Variants in SAXO1 observed in about 807,000 individuals in gnomAD.
The protein encoded by SAXO1 is stabilizer of axonemal microtubules 1.
Under a neutral mutation model 17.5 loss-of-function variants are expected in SAXO1, and 21 were observed. The ratio of observed to expected loss-of-function variants is 1.20; its 90% confidence interval spans 0.85 to 1.72. The LOEUF (loss-of-function observed/expected upper bound fraction) is 1.72. SAXO1 is among the 40% of genes most tolerant of loss of function. The pLI is 0.00. For missense variants in SAXO1, 843 were observed against 596.0 expected, an observed-to-expected ratio of 1.41 and a Z score of -4.32; for synonymous variants, 274 against 216.5, an observed-to-expected ratio of 1.27 and a Z score of -2.33.
intron 3 of SAXO1, among the ~76,000 whole-genome samples, chr9:18,936,074 T>G (rs62550780): frequency 0.014 from 2,189 of 152,270 alleles, 45 homozygotes; most frequent in African/African-American, 0.045. Flanking sequence ...AATGGTTGAT[T>G]TTCACTGTTT....
rs1480929577 is a variant in SAXO1, at chr9:18,934,764, A to T, written c.422-5709T>A. On this transcript the variant is annotated intron_variant, in intron 3 of 3. Coordinates refer to ENST00000380534, the MANE Select transcript of SAXO1 (RefSeq NM_153707.4). Reference sequence around the variant, plus strand: ...TTTTTTGTGTAAAACACAACACTTTAGATAATATGCTGCAGCAACTCTGGA... The same window carrying T: ...TTTTTTGTGTAAAACACAACACTTTTGATAATATGCTGCAGCAACTCTGGA... Among the ~76,000 whole-genome samples, 4 of 152,162 alleles carry T rather than the reference A, an allele frequency of 2.6e-5. No individual in the cohort carries two copies. The South Asian group carries it at 8.3e-4, about 32-fold the overall frequency.
intron 1 of SAXO1, among the ~76,000 whole-genome samples, chr9:18,993,300 G>C (rs1185139136): frequency 6.8e-6 from 1 of 146,570 alleles, no homozygotes; most frequent in Non-Finnish European, 1.5e-5. Context: ...GCCCCGATGT[G>C]TGTTGTTACC....
chr9:18,947,379 T>C (rs1376643183), intron 2 of SAXO1, among the ~76,000 whole-genome samples: 1 of 152,160 alleles, frequency 6.6e-6, no homozygotes. Context: ...CAAGGAGTCT[T>C]GCAAATAAGT....
At chr9:18,959,874 C>A (rs1428390023) in intron 1 of SAXO1, among the ~76,000 whole-genome samples, 1 of 152,120 alleles carries the variant, frequency 6.6e-6, no homozygotes, top group Non-Finnish European at 1.5e-5. Context: ...AGTAGTAATG[C>A]CAAGGAGAGG....
intron 1 of SAXO1, among the ~76,000 whole-genome samples, chr9:19,000,958 A>G (rs1834241185): frequency 6.6e-6 from 1 of 151,286 alleles, no homozygotes; most frequent in African/African-American, 2.4e-5. Context: ...GAGATCTACA[A>G]AGACACTTAG....
Position 19,028,116 on chromosome 9 carries a change from C to A in SAXO1, c.38+4755G>T, listed in dbSNP as rs1016183431. Reference sequence around the variant, plus strand: ...AGGTCCAGGCCAAGAAGAAAGCCAACCTACAGTACTACGCCTAGGGCACGG... The same window carrying A: ...AGGTCCAGGCCAAGAAGAAAGCCAAACTACAGTACTACGCCTAGGGCACGG... On this transcript the variant is annotated intron_variant, in intron 1 of 3. Transcript: ENST00000380534. The A allele has an allele frequency of 6.2e-6, 10 of 1,608,880 alleles. No individual in the cohort carries two copies. In the African/African-American group the frequency reaches 1.1e-4, roughly 17 times the overall value.
intron 1 of SAXO1, 35 bp downstream of exon 1, chr9:19,032,836 C>T (rs1294596763): frequency 6.2e-7 from 1 of 1,605,230 alleles, no homozygotes; most frequent in Non-Finnish European, 8.5e-7. Flanking sequence ...AAAACCCAGG[C>T]TCCCCCAGCC....
At chr9:18,958,004 G>C (rs1025335141) in intron 1 of SAXO1, among the ~76,000 whole-genome samples, 2 of 152,190 alleles carry the variant, frequency 1.3e-5, no homozygotes, top group Admixed American at 6.5e-5. Flanking sequence ...CTTGAGGCAA[G>C]ATATCTCATA....
chr9:18,973,918 C>A (rs916479371), intron 1 of SAXO1, among the ~76,000 whole-genome samples: 3 of 152,168 alleles, frequency 2.0e-5, no homozygotes, highest in Non-Finnish European at 2.9e-5. Flanking sequence ...ATGTCATGTA[C>A]TATGTTGGGT....
upstream of SAXO1, among the ~76,000 whole-genome samples, chr9:19,036,663 G>T (rs1030269451): frequency 6.6e-6 from 1 of 152,144 alleles, no homozygotes; most frequent in African/African-American, 2.4e-5. Flanking sequence ...TTGAGGTTTG[G>T]GAATCTCCGC....
At chr9:18,989,517 G>C (rs1253726384) in intron 1 of SAXO1, among the ~76,000 whole-genome samples, 2 of 151,652 alleles carry the variant, frequency 1.3e-5, no homozygotes, top group African/African-American at 2.4e-5. Flanking sequence ...AATTCATACA[G>C]AGCATGAGCT....
chr9:18,928,555 G>A lies in SAXO1; in HGVS notation c.922C>T (p.Gln308Ter). The A allele has an allele frequency of 6.2e-7, 1 of 1,614,152 alleles. No individual in the cohort carries two copies. The highest frequency in any genetic ancestry group is 8.5e-7 in the Non-Finnish European group (1 of 1,180,016). ...EDRMDLLTTV[Q>*]AHYTCPKGAP... ...CCCTTAGGGCATGTGTAATGGGCCT[G>A]CACTGTTGTCAGAAGATCCATCCTG... The change falls in exon 4 of 4, where the codon CAG becomes TAG. Residue 308 changes from glutamine to a stop codon, truncating the protein, a stop_gained. Transcript: ENST00000380534. LOFTEE classifies it low-confidence loss of function (END_TRUNC).
chr9:19,004,056 A>T (rs1588513910), intron 1 of SAXO1, among the ~76,000 whole-genome samples: 1 of 152,356 alleles, frequency 6.6e-6, no homozygotes, highest in Admixed American at 6.5e-5. Context: ...AAACAACCCC[A>T]TCAAAAAGCA....
At chr9:18,985,154 G>A (rs1331079907) in intron 1 of SAXO1, among the ~76,000 whole-genome samples, 2 of 152,064 alleles carry the variant, frequency 1.3e-5, no homozygotes, top group Non-Finnish European at 2.9e-5. Context: ...TGGCCGATTG[G>A]TGGAGTAGTC....
chr9:18,960,922 T>G (rs56764002), intron 1 of SAXO1, among the ~76,000 whole-genome samples: 3,061 of 151,300 alleles, frequency 0.02, 99 homozygotes, highest in African/African-American at 0.07. Context: ...GAGAAGAGAG[T>G]GAGGGTGAAG....
intron 1 of SAXO1, among the ~76,000 whole-genome samples, chr9:19,012,893 G>C (rs1171682622): frequency 6.6e-6 from 1 of 152,150 alleles, no homozygotes; most frequent in Non-Finnish European, 1.5e-5. Flanking sequence ...CTCTCTCAGG[G>C]TGCTGACAGA....
intron 1 of SAXO1, among the ~76,000 whole-genome samples, chr9:18,959,390 A>G (rs73429219): frequency 0.02 from 3,078 of 152,256 alleles, 100 homozygotes; most frequent in African/African-American, 0.069. Context: ...TAAAAAGACA[A>G]CTTGAGAGGG....
At chr9:19,022,228 A>T (rs1247821090) in intron 1 of SAXO1, among the ~76,000 whole-genome samples, 5 of 152,226 alleles carry the variant, frequency 3.3e-5, no homozygotes. Context: ...TCCTTAAGTC[A>T]GAGAGATCAC....
intron 1 of SAXO1, among the ~76,000 whole-genome samples, chr9:18,952,939 C>G (rs756562654): frequency 2.6e-5 from 4 of 152,172 alleles, no homozygotes; most frequent in Admixed American, 2.6e-4. Context: ...TCTGCACATT[C>G]AAGAGACAAA....
Sources: allele counts gnomAD v4.1 joint callset (sites outside exome capture counted in the v4.1 genomes callset), GRCh38; gene constraint gnomAD v4.1.1; transcripts MANE v1.5; gene names NCBI Gene and HGNC (gene_info 2026-07-23, HGNC 2026-07-21).